Variants in SCFD2 observed in about 807,000 individuals in gnomAD.
The protein encoded by SCFD2 is sec1 family domain-containing protein 2.
SCFD2 carries 54 observed loss-of-function variants against 58.9 expected under a neutral mutation model. The ratio of observed to expected loss-of-function variants is 0.92; its 90% CI spans 0.74 to 1.15. SCFD2 has a LOEUF of 1.15. Ranked by LOEUF, SCFD2 falls within the 50% of genes most tolerant of loss-of-function variation. The pLI, the probability that SCFD2 is intolerant of heterozygous loss-of-function variation, is 0.00. For missense variants in SCFD2, 805 were observed against 836.6 expected (o/e 0.96, Z 0.47); for synonymous variants, 321 against 335.9 (o/e 0.96, Z 0.49).
chr4:53,215,689 A>G (rs1728800956), intron 4 of SCFD2, among the ~76,000 whole-genome samples: 1 of 152,136 alleles, frequency 6.6e-6, no homozygotes, highest in Non-Finnish European at 1.5e-5. Flanking sequence ...TATGTAAAAC[A>G]GGAGTGGTGA....
chr4:52,888,352 T>A (rs912565947), intron 7 of SCFD2, among the ~76,000 whole-genome samples: 6 of 152,106 alleles, frequency 3.9e-5, no homozygotes, highest in Non-Finnish European at 7.4e-5. Flanking sequence ...AAATAGGTGG[T>A]GGTGAATACT....
chr4:53,132,137 A>G (rs1725801811), intron 5 of SCFD2, among the ~76,000 whole-genome samples: 1 of 152,260 alleles, frequency 6.6e-6, no homozygotes, highest in African/African-American at 2.4e-5. Flanking sequence ...AAATTACTTA[A>G]CTAGTTAGCT....
At chr4:53,114,973 C>T (rs1419465963) in intron 5 of SCFD2, among the ~76,000 whole-genome samples, 1 of 151,894 alleles carries the variant, frequency 6.6e-6, no homozygotes, top group East Asian at 1.9e-4. Flanking sequence ...CCTCTAACAA[C>T]ACTATACAAA....
chr4:53,333,915 A>C (rs1056418811), intron 2 of SCFD2, among the ~76,000 whole-genome samples: 2 of 140,980 alleles, frequency 1.4e-5, no homozygotes, highest in Non-Finnish European at 3.1e-5. Flanking sequence ...AAAAAAACAA[A>C]CAACCCCATC....
intron 4 of SCFD2, among the ~76,000 whole-genome samples, chr4:53,217,242 G>A (rs1303180141): frequency 6.6e-6 from 1 of 152,058 alleles, no homozygotes; most frequent in Non-Finnish European, 1.5e-5. Flanking sequence ...TGTTGACAGT[G>A]GGGTGTTAAA....
At chr4:53,322,666 T>G (rs988524027) in intron 2 of SCFD2, among the ~76,000 whole-genome samples, 3 of 152,204 alleles carry the variant, frequency 2.0e-5, no homozygotes, top group African/African-American at 4.8e-5. Flanking sequence ...ATGGATTAAC[T>G]CAGTATGAGG....
chr4:52,971,141 C>G (rs1042658766), intron 5 of SCFD2, among the ~76,000 whole-genome samples: 1 of 152,182 alleles, frequency 6.6e-6, no homozygotes, highest in Non-Finnish European at 1.5e-5. Flanking sequence ...CAGCTCCTCA[C>G]CAGCAATGGA....
At chr4:52,930,611 C>T (rs143141977) in intron 5 of SCFD2, among the ~76,000 whole-genome samples, 103 of 152,194 alleles carry the variant, frequency 6.8e-4, no homozygotes, top group African/African-American at 8.9e-4. Flanking sequence ...GCTGCCTAAG[C>T]GAAAAATCTC....
At chr4:53,159,195 T>G (rs1261058761) in intron 4 of SCFD2, among the ~76,000 whole-genome samples, 1 of 152,084 alleles carries the variant, frequency 6.6e-6, no homozygotes, top group Non-Finnish European at 1.5e-5. Flanking sequence ...AAGAAAAAAA[T>G]AAACATTTAT....
intron 5 of SCFD2, among the ~76,000 whole-genome samples, chr4:53,145,034 A>G (rs1450404717): frequency 6.6e-6 from 1 of 152,154 alleles, no homozygotes; most frequent in Non-Finnish European, 1.5e-5. Flanking sequence ...TGTGAAGTGC[A>G]CATATGAGGG....
intron 3 of SCFD2, among the ~76,000 whole-genome samples, chr4:53,275,577 G>A (rs1174657193): frequency 6.6e-6 from 1 of 152,122 alleles, no homozygotes; most frequent in East Asian, 1.9e-4. Context: ...TATGAATTTT[G>A]ACAAATGGAT....
At chr4:53,196,321 A>G (rs1405329414) in intron 4 of SCFD2, among the ~76,000 whole-genome samples, 1 of 152,156 alleles carries the variant, frequency 6.6e-6, no homozygotes, top group Non-Finnish European at 1.5e-5. Flanking sequence ...GTCTTCAAAC[A>G]ACAGTGTATG....
At chr4:53,317,970 G>T (rs1732915233) in intron 2 of SCFD2, among the ~76,000 whole-genome samples, 1 of 152,182 alleles carries the variant, frequency 6.6e-6, no homozygotes, top group Non-Finnish European at 1.5e-5. Context: ...GAATTTTCTT[G>T]TAAGATATAG....
chr4:53,239,293 G>A lies in SCFD2; in HGVS notation c.1311+34533C>T, dbSNP rs536963376. On this transcript the variant is annotated intron_variant, in intron 4 of 8. Coordinates refer to ENST00000401642, the MANE Select transcript of SCFD2 (RefSeq NM_152540.4). ...CAGGGAGGTTGCAGTGAGCCGAGAT[G>A]GCAGCAGTACAGTCCAGCTTTGGCT... is the stretch of plus-strand genomic sequence containing the variant. 5.3e-5 allele frequency among the ~76,000 whole-genome samples: 8 copies of A among 152,120 alleles called. No individual in the cohort carries two copies. The East Asian group carries it at 1.5e-3, about 29-fold the overall frequency.
chr4:53,198,731 TA>T (rs1728137595), intron 4 of SCFD2, among the ~76,000 whole-genome samples: 5 of 151,926 alleles, frequency 3.3e-5, no homozygotes, highest in Admixed American at 1.3e-4. Flanking sequence ...AGAACCCTCA[TA>T]TGTATACTTC....
At chr4:53,212,940 G>A (rs544502212) in intron 4 of SCFD2, among the ~76,000 whole-genome samples, 10 of 151,848 alleles carry the variant, frequency 6.6e-5, no homozygotes, top group African/African-American at 2.2e-4. Context: ...TGAGAGAAAA[G>A]CCAGCAAACT....
At position 53,104,466 on chromosome 4, in the gene SCFD2, G is replaced by A. The variant is rs570940372; in HGVS notation, c.1561+40867C>T. Among the ~76,000 whole-genome samples the A allele has an allele frequency of 4.6e-5, 7 of 152,288 alleles. No individual in the cohort carries two copies. In the South Asian group the frequency reaches 1.2e-3, roughly 27 times the overall value. On this transcript the variant is annotated intron_variant, in intron 5 of 8. Coordinates refer to ENST00000401642, the MANE Select transcript of SCFD2 (RefSeq NM_152540.4). Reference sequence around the variant, plus strand: ...ATAACCAAGAGAAGCCAAAGGTGACGTGATGAGTAAATGTAATATGGCACC... The same window carrying A: ...ATAACCAAGAGAAGCCAAAGGTGACATGATGAGTAAATGTAATATGGCACC...
chr4:52,928,020 T>C (rs1719901233), intron 5 of SCFD2, among the ~76,000 whole-genome samples: 2 of 152,140 alleles, frequency 1.3e-5, no homozygotes, highest in South Asian at 2.1e-4. Context: ...AATAACCTAA[T>C]GTGAGTTTAA....
intron 3 of SCFD2, among the ~76,000 whole-genome samples, chr4:53,289,932 A>G (rs540355709): frequency 6.6e-6 from 1 of 152,230 alleles, no homozygotes; most frequent in Non-Finnish European, 1.5e-5. Flanking sequence ...AGAGGACATA[A>G]CAATTATAAA....
Sources: allele counts gnomAD v4.1 joint callset (sites outside exome capture counted in the v4.1 genomes callset), GRCh38; gene constraint gnomAD v4.1.1; transcripts MANE v1.5; gene names NCBI Gene and HGNC (gene_info 2026-07-23, HGNC 2026-07-21).